Variants in ABTB3 observed in about 807,000 individuals in gnomAD.
ABTB3 encodes the protein ankyrin repeat and BTB domain containing 3.
chr12:107,343,731 G>A, the ABTB3 span, among the ~76,000 whole-genome samples: 1 of 152,184 alleles, frequency 6.6e-6, no homozygotes, highest in African/African-American at 2.4e-5. Context: ...TGGCTCGGGA[G>A]GCCTCAGGAA....
chr12:107,654,795 TAC>T, the ABTB3 span, among the ~76,000 whole-genome samples: 1 of 144,004 alleles, frequency 6.9e-6, no homozygotes, highest in Non-Finnish European at 1.5e-5. Context: ...AATCAAAAAG[TAC>T]AGTCAGTCTA....
At chr12:107,374,085 T>C in the ABTB3 span, among the ~76,000 whole-genome samples, 1 of 152,128 alleles carries the variant, frequency 6.6e-6, no homozygotes, top group African/African-American at 2.4e-5. Flanking sequence ...CCCCGTTACC[T>C]GCAGAGGGAG....
At chr12:107,420,499 A>C in the ABTB3 span, among the ~76,000 whole-genome samples, 3 of 152,144 alleles carry the variant, frequency 2.0e-5, no homozygotes, top group Non-Finnish European at 4.4e-5. Flanking sequence ...CTTATTCACT[A>C]TCATGAGAAC....
the ABTB3 span, among the ~76,000 whole-genome samples, chr12:107,418,329 C>G: frequency 6.6e-6 from 1 of 152,216 alleles, no homozygotes; most frequent in Admixed American, 6.5e-5. Flanking sequence ...GGCTTCCTTG[C>G]TCCACAGCTT....
the ABTB3 span, among the ~76,000 whole-genome samples, chr12:107,365,665 C>T: frequency 2.0e-5 from 3 of 152,158 alleles, no homozygotes; most frequent in South Asian, 4.1e-4. Flanking sequence ...CCCTAAAGTG[C>T]CATTGCCATG....
At chr12:107,395,803 T>G in the ABTB3 span, among the ~76,000 whole-genome samples, 1 of 152,306 alleles carries the variant, frequency 6.6e-6, no homozygotes, top group East Asian at 1.9e-4. Context: ...AAAGTTCCCA[T>G]TTTTGCACAG....
At chr12:107,608,764 G>C in the ABTB3 span, among the ~76,000 whole-genome samples, 2 of 151,836 alleles carry the variant, frequency 1.3e-5, no homozygotes, top group East Asian at 3.9e-4. Context: ...TCAGCTACTG[G>C]GGTAAGTAAG....
At chr12:107,549,374 T>A in the ABTB3 span, among the ~76,000 whole-genome samples, 2 of 152,254 alleles carry the variant, frequency 1.3e-5, no homozygotes, top group Non-Finnish European at 2.9e-5. Flanking sequence ...ATGTGACAAG[T>A]GAGATTCAAA....
At chr12:107,522,619 A>G in the ABTB3 span, among the ~76,000 whole-genome samples, 7 of 150,394 alleles carry the variant, frequency 4.7e-5, no homozygotes, top group African/African-American at 1.7e-4. Flanking sequence ...GAAACATTTT[A>G]TTTGCTCACT....
chr12:107,508,455 T>TTTTG, the ABTB3 span, among the ~76,000 whole-genome samples: 2 of 126,058 alleles, frequency 1.6e-5, no homozygotes, highest in African/African-American at 5.8e-5. Context: ...TTTTTTTTTT[T>TTTTG]TTTTTTTTTT....
chr12:107,481,337 A>G, the ABTB3 span, among the ~76,000 whole-genome samples: 1 of 152,150 alleles, frequency 6.6e-6, no homozygotes, highest in African/African-American at 2.4e-5. Context: ...TATGATTTCC[A>G]TTAACCCTCA....
the ABTB3 span, among the ~76,000 whole-genome samples, chr12:107,454,800 A>G: frequency 6.6e-6 from 1 of 152,120 alleles, no homozygotes; most frequent in African/African-American, 2.4e-5. Flanking sequence ...TTTTCCTCTC[A>G]TATTTGTACC....
the ABTB3 span, chr12:107,320,458 C>T: frequency 2.9e-5 from 12 of 415,894 alleles, no homozygotes; most frequent in African/African-American, 2.2e-4. Context: ...ATGCCACTTC[C>T]CTGGGCGCAT....
the ABTB3 span, among the ~76,000 whole-genome samples, chr12:107,343,926 A>C: frequency 3.5e-3 from 527 of 152,298 alleles, 4 homozygotes; most frequent in African/African-American, 0.012. Context: ...ACCTCCCAAC[A>C]GGTGCCTCCC....
At chr12:107,426,231 C>T in the ABTB3 span, among the ~76,000 whole-genome samples, 1 of 152,322 alleles carries the variant, frequency 6.6e-6, no homozygotes, top group East Asian at 1.9e-4. Context: ...AGTAGTGGCC[C>T]GCTGGCCCCA....
chr12:107,361,543 A>G, the ABTB3 span, among the ~76,000 whole-genome samples: 1 of 152,216 alleles, frequency 6.6e-6, no homozygotes, highest in Non-Finnish European at 1.5e-5. Context: ...CCGAGGATAA[A>G]TTCCTAAATG....
At chr12:107,572,165 A>T in the ABTB3 span, among the ~76,000 whole-genome samples, 1 of 152,154 alleles carries the variant, frequency 6.6e-6, no homozygotes. Flanking sequence ...AGAGAGAAGG[A>T]TGCTTGACAC....
chr12:107,514,008 G>A, the ABTB3 span, among the ~76,000 whole-genome samples: 5 of 152,228 alleles, frequency 3.3e-5, no homozygotes, highest in African/African-American at 4.8e-5. Context: ...TGGGAACAGG[G>A]TATTTATCAG....
chr12:107,335,962 TTCC>T, the ABTB3 span, among the ~76,000 whole-genome samples: 26 of 152,306 alleles, frequency 1.7e-4, no homozygotes, highest in African/African-American at 5.5e-4. Flanking sequence ...TGACTCTCCC[TTCC>T]TCCTCCTGCC....
Sources: gnomAD v4.1 joint callset for allele counts (sites outside exome capture counted in the v4.1 genomes callset) on GRCh38, gnomAD v4.1.1 for gene constraint, MANE v1.5 for transcripts, NCBI Gene and HGNC (gene_info 2026-07-23, HGNC 2026-07-21) for gene names.